ZMYM4: variants seen among roughly 807,000 people sequenced by gnomAD.
The protein encoded by ZMYM4 is zinc finger MYM-type protein 4.
ZMYM4 carries 31 observed loss-of-function variants against 183.2 expected under a neutral mutation model. The observed-to-expected ratio is 0.17, with a 90% CI of 0.13 to 0.23. The LOEUF is 0.23. ZMYM4 is among the 10% of genes least tolerant of loss of function. The probability of loss-of-function intolerance (pLI) is 1.00; values close to 1 mark genes in which losing one functional copy is unlikely to be tolerated. For synonymous variants in ZMYM4, 592 were observed against 631.2 expected, an observed-to-expected ratio of 0.94 and a Z score of 0.93; for missense variants, 1,273 against 1,840.3, an observed-to-expected ratio of 0.69 and a Z score of 5.64.
intron 2 of ZMYM4, among the ~76,000 whole-genome samples, chr1:35,332,403 GTTT>G (rs569755227): frequency 1.6e-5 from 2 of 126,134 alleles, no homozygotes; most frequent in African/African-American, 3.1e-5. Context: ...TACTGGGGAT[GTTT>G]TTTTTTTTTT....
intron 1 of ZMYM4, among the ~76,000 whole-genome samples, chr1:35,298,329 G>A (rs776769207): frequency 6.6e-6 from 1 of 152,146 alleles, no homozygotes; most frequent in Non-Finnish European, 1.5e-5. Flanking sequence ...GATTGCTTGA[G>A]GCCAGGAGAT....
rs747501237 is a variant in ZMYM4 at position 35,381,621 on chromosome 1, G to T, written c.1432G>T (p.Ala478Ser). ...TGCCTGCTTCTCTAAGTTTCGTTCTGCTAACAACCTCACCATGAACTGTTG... is the reference window on the plus strand; with the variant it reads ...TGCCTGCTTCTCTAAGTTTCGTTCTTCTAACAACCTCACCATGAACTGTTG... ...SDACFSKFRS[A>S]NNLTMNCCEN... Residue 478 changes from alanine (A) to serine (S), a missense_variant, in exon 9 of 30, where the codon GCT becomes TCT. Coordinates refer to ENST00000314607, the MANE Select transcript of ZMYM4 (RefSeq NM_005095.3). The T allele has an allele frequency of 6.2e-7, 1 of 1,614,176 alleles. No homozygotes were observed. The highest frequency in any genetic ancestry group is 1.1e-5 in the South Asian group (1 of 91,086).
chr1:35,274,564 C>CCACT (rs1333462255), intron 1 of ZMYM4, among the ~76,000 whole-genome samples: 1 of 149,846 alleles, frequency 6.7e-6, no homozygotes, highest in African/African-American at 2.5e-5. Flanking sequence ...TATGATTGTG[C>CCACT]CACTGCACTT....
intron 1 of ZMYM4, among the ~76,000 whole-genome samples, chr1:35,319,392 G>A (rs1170022966): frequency 6.6e-6 from 1 of 152,102 alleles, no homozygotes; most frequent in South Asian, 2.1e-4. Flanking sequence ...GGGAGGCTGA[G>A]GTGGGAAGAT....
rs192656470 is a variant in ZMYM4 at position 35,350,752 on chromosome 1, G to A, written c.86-8173G>A. ...GTTTGTTAAAGTTGTTAAGAATAAG[G>A]CCTGCTTTAAGAGATACCAAGTGAA... is the stretch of plus-strand genomic sequence containing the variant. On this transcript the variant is annotated intron_variant, in intron 2 of 29. Coordinates refer to ENST00000314607, the MANE Select transcript of ZMYM4 (RefSeq NM_005095.3). 76 of 452,862 alleles carry A rather than the reference G, an allele frequency of 1.7e-4. No individual in the cohort carries two copies. The Admixed American group carries it at 1.9e-3, about 12-fold the overall frequency. The allele number at this position is 452,862 out of a possible 1,614,324, so 28.1% of individuals were successfully genotyped here. A position where few individuals can be genotyped will look rare whatever the true frequency, so the allele number is the denominator to read the frequency against.
At chr1:35,387,930 G>A (rs560581645) in intron 13 of ZMYM4, among the ~76,000 whole-genome samples, 2 of 152,144 alleles carry the variant, frequency 1.3e-5, no homozygotes, top group Non-Finnish European at 2.9e-5. Context: ...TAAATGGGAT[G>A]CCTTAAATTA....
intron 2 of ZMYM4, among the ~76,000 whole-genome samples, chr1:35,328,850 A>G (rs893633530): frequency 2.6e-5 from 4 of 152,252 alleles, no homozygotes; most frequent in African/African-American, 7.2e-5. Context: ...TGATCATCCT[A>G]GCCCTCCCAT....
chr1:35,369,948 GT>G, intron 5 of ZMYM4, 80 bp from the exon 6 acceptor site: 1 of 1,011,284 alleles, frequency 9.9e-7, no homozygotes, highest in Admixed American at 2.2e-5. Context: ...TATAGTGGTA[GT>G]AAAATGTCTT....
At chr1:35,349,948 T>TG (rs1558053408) in intron 2 of ZMYM4, among the ~76,000 whole-genome samples, 7 of 150,504 alleles carry the variant, frequency 4.7e-5, no homozygotes, top group African/African-American at 1.7e-4. Flanking sequence ...ATAATTTAAT[T>TG]TTTGTTTTTC....
At chr1:35,407,919 GC>G (rs1208760264) in intron 25 of ZMYM4, 88 bp from the exon 26 acceptor site, 4 of 1,536,108 alleles carry the variant, frequency 2.6e-6, no homozygotes, top group Non-Finnish European at 3.6e-6. Flanking sequence ...AGTGCCTGGA[GC>G]ACAGTAGTGT....
chr1:35,346,664 A>AG (rs1485985431), intron 2 of ZMYM4, among the ~76,000 whole-genome samples: 7 of 151,446 alleles, frequency 4.6e-5, no homozygotes, highest in African/African-American at 7.2e-5. Flanking sequence ...AAAAAAAAAA[A>AG]AAAAAAGAAA....
In ZMYM4 at chr1:35,370,482, A is replaced by C. The variant is rs559771902; in HGVS notation, c.1036A>C (p.Lys346Gln). The C allele has an allele frequency of 6.0e-5, 97 of 1,613,360 alleles. No individual in the cohort carries two copies. Among genetic ancestry groups the C allele is most frequent in the Non-Finnish European group, 7.8e-5 (92 of 1,179,874 alleles). Residue 346 changes from lysine (K) to glutamine (Q), a missense_variant, in exon 7 of 30, where the codon AAA becomes CAA. Physicochemically the swap from Lys to Gln is moderately conservative, Grantham distance 53 (BLOSUM62 1). Around this residue, in one of 6 missense-constraint regions of ZMYM4, gnomAD observed 384 missense variants for 465.6 expected, o/e 0.82. Transcript: ENST00000314607. ...AVRVSCSGCKKILQKGQTAYQ... is the reference protein window; with the variant it reads ...AVRVSCSGCKQILQKGQTAYQ... Reference sequence around the variant, plus strand: ...TCGAGTTTCCTGTTCTGGTTGTAAAAAAATCCTCCAGAAGGGGCAAACTGC... The same window carrying C: ...TCGAGTTTCCTGTTCTGGTTGTAAACAAATCCTCCAGAAGGGGCAAACTGC...
At chr1:35,311,126 C>T (rs569894740) in intron 1 of ZMYM4, among the ~76,000 whole-genome samples, 11 of 152,036 alleles carry the variant, frequency 7.2e-5, no homozygotes, top group South Asian at 4.1e-4. Flanking sequence ...TTGAGAATGT[C>T]GTAAGTGAGA....
chr1:35,417,986 C>T (rs1339799250), intron 28 of ZMYM4, among the ~76,000 whole-genome samples: 1 of 148,944 alleles, frequency 6.7e-6, no homozygotes, highest in African/African-American at 2.5e-5. Flanking sequence ...CCGTCCTGGG[C>T]AAGAAGAGCA....
At chr1:35,381,195 G>C (rs1558128516) in intron 7 of ZMYM4, 64 bp from the exon 8 acceptor site, 1 of 1,318,394 alleles carries the variant, frequency 7.6e-7, no homozygotes, top group Non-Finnish European at 1.0e-6. Flanking sequence ...AGTTATTTTA[G>C]CTCACAGAAA....
intron 2 of ZMYM4, among the ~76,000 whole-genome samples, chr1:35,338,899 CTCTTA>C (rs1467977185): frequency 2.0e-5 from 3 of 152,196 alleles, no homozygotes; most frequent in Admixed American, 1.3e-4. Flanking sequence ...TCTCATTCAT[CTCTTA>C]TGTCTTCATA....
intron 2 of ZMYM4, among the ~76,000 whole-genome samples, chr1:35,348,640 A>G (rs1643484148): frequency 6.6e-6 from 1 of 152,254 alleles, no homozygotes; most frequent in African/African-American, 2.4e-5. Context: ...ATGTGCTCTG[A>G]TAAGAATCAC....
intron 5 of ZMYM4, among the ~76,000 whole-genome samples, chr1:35,363,956 G>A (rs1379185782): frequency 6.6e-6 from 1 of 151,900 alleles, no homozygotes; most frequent in East Asian, 1.9e-4. Flanking sequence ...CACTTCCTTG[G>A]GACAAAAAGG....
intron 26 of ZMYM4, among the ~76,000 whole-genome samples, chr1:35,411,932 G>A (rs1054863951): frequency 6.6e-6 from 1 of 152,122 alleles, no homozygotes. Context: ...GCCCAGGCTG[G>A]AGTGCAGTGG....
Sources: allele counts gnomAD v4.1 joint callset (sites outside exome capture counted in the v4.1 genomes callset), GRCh38; gene constraint gnomAD v4.1.1; regional missense constraint gnomAD v4.1.1; transcripts MANE v1.5; gene names NCBI Gene and HGNC (gene_info 2026-07-23, HGNC 2026-07-21).